Variants in NAAA observed in about 807,000 individuals in gnomAD.
NAAA encodes N-acylethanolamine-hydrolyzing acid amidase.
In NAAA, 39 loss-of-function variants were observed where a neutral mutation model predicts 44.8. The observed-to-expected ratio is 0.87, with a 90% CI of 0.67 to 1.14. NAAA has a LOEUF of 1.14. Ranked by LOEUF, NAAA falls within the 50% of genes most tolerant of loss-of-function variation. NAAA has a pLI of 0.00. For missense variants in NAAA, 460 were observed against 467.8 expected (o/e 0.98, Z 0.15); for synonymous variants, 178 against 191.3 (o/e 0.93, Z 0.58).
At chr4:75,926,245 A>T (rs1372637063) in intron 4 of NAAA, among the ~76,000 whole-genome samples, 1 of 152,188 alleles carries the variant, frequency 6.6e-6, no homozygotes, top group South Asian at 2.1e-4. Context: ...TTTCACAAAA[A>T]TTTTTAAAAT....
chr4:75,917,506 C>CCAGGCTAG (rs2149244462), intron 9 of NAAA: 1 of 155,112 alleles, frequency 6.4e-6, no homozygotes, highest in East Asian at 1.9e-4. Flanking sequence ...GCTCTGTTGC[C>CCAGGCTAG]CAGGCTAGAC....
At chr4:75,919,230 CG>C (rs1311774765) in intron 8 of NAAA, 4 of 168,262 alleles carry the variant, frequency 2.4e-5, no homozygotes, top group Non-Finnish European at 5.2e-5. Flanking sequence ...TTAGTAGAGA[CG>C]GGGTTTCACC....
Position 75,940,965 on chromosome 4 carries a change from G to A in NAAA, c.-16C>T. ...CGGTCCGCATGGCTCGGGCTCCAGCGGCCGCAACTTGGAGACCTGCAGCCG... is the reference window on the plus strand; with the variant it reads ...CGGTCCGCATGGCTCGGGCTCCAGCAGCCGCAACTTGGAGACCTGCAGCCG... On this transcript the variant is annotated 5_prime_UTR_variant, in exon 1 of 11. Transcript: ENST00000286733. The A allele has an allele frequency of 2.7e-6, 4 of 1,463,848 alleles. No individual in the cohort carries two copies. The highest frequency in any genetic ancestry group is 2.7e-6 in the Non-Finnish European group (3 of 1,117,948). 90.7% of individuals were successfully genotyped at this position (1,463,848 alleles called of 1,614,324 possible). A position where few individuals can be genotyped will look rare whatever the true frequency, so the allele number is the denominator to read the frequency against.
At chr4:75,911,268 G>C (rs1176554383), downstream of NAAA, 1 of 509,820 alleles carries the variant, frequency 2.0e-6, no homozygotes, top group African/African-American at 2.0e-5. Context: ...AGGCCATCTG[G>C]ATGTATACGT....
intron 3 of NAAA, among the ~76,000 whole-genome samples, chr4:75,933,990 A>T (rs1167867291): frequency 6.6e-6 from 1 of 151,676 alleles, no homozygotes; most frequent in East Asian, 1.9e-4. Flanking sequence ...AGATCGCGCC[A>T]CTGCACTCCA....
Position 75,938,385 on chromosome 4 carries a change from T to A in NAAA, c.371+1616A>T, listed in dbSNP as rs147298479. Reference sequence around the variant, plus strand: ...CTCCAACAGATGAGGGTAAAAATGATTCGTGATTTTTCATTGAGAAAGCTG... The same window carrying A: ...CTCCAACAGATGAGGGTAAAAATGAATCGTGATTTTTCATTGAGAAAGCTG... On this transcript the variant is annotated intron_variant, in intron 2 of 10. Coordinates refer to ENST00000286733, the MANE Select transcript of NAAA (RefSeq NM_014435.4). 8.2e-4 allele frequency among the ~76,000 whole-genome samples: 125 copies of A among 152,352 alleles called. 3 individuals are homozygous for A. Among genetic ancestry groups the A allele is most frequent in the African/African-American group, 2.7e-3 (113 of 41,578 alleles).
At chr4:75,919,052 C>CTT (rs11463331) in intron 8 of NAAA, among the ~76,000 whole-genome samples, 38,019 of 151,130 alleles carry the variant, frequency 0.25, 5,902 homozygotes, top group East Asian at 0.49. Context: ...GTGATATAGA[C>CTT]TTTTTTTTTG....
At chr4:75,917,847 C>A (rs911929266) in intron 9 of NAAA, 6 of 347,876 alleles carry the variant, frequency 1.7e-5, no homozygotes, top group Non-Finnish European at 3.4e-5. Context: ...ACTAGAGAAA[C>A]CATTGCTCAC....
At chr4:75,925,839 A>ATG in intron 4 of NAAA, 28 bp from the exon 5 acceptor site, 1 of 1,594,122 alleles carries the variant, frequency 6.3e-7, no homozygotes. Flanking sequence ...TATGTTATAT[A>ATG]TGTGTGTGTA....
chr4:75,914,047 TG>T lies in NAAA; in HGVS notation c.*327del. ...GTATGATGGCAGAATCATGAGAAGA[TG>T]GAAATAAGGCCTGAGGATATGGCTT... On this transcript the variant is annotated 3_prime_UTR_variant, in exon 11 of 11. Coordinates refer to ENST00000286733, the MANE Select transcript of NAAA (RefSeq NM_014435.4). The T allele has an allele frequency of 1.0e-6, 1 of 985,426 alleles. No homozygotes were observed. Among genetic ancestry groups the T allele is most frequent in the East Asian group, 1.1e-4 (1 of 8,814 alleles). The allele number at this position is 985,426 out of a possible 1,614,324, so 61.0% of individuals were successfully genotyped here. A position where few individuals can be genotyped will look rare whatever the true frequency, so the allele number is the denominator to read the frequency against.
chr4:75,923,828 G>A (rs1224044755), intron 5 of NAAA, among the ~76,000 whole-genome samples: 3 of 152,136 alleles, frequency 2.0e-5, no homozygotes, highest in East Asian at 1.9e-4. Context: ...GTGAGCCACC[G>A]CGCCCGGCCC....
chr4:75,912,386 C>G (rs1440023911), downstream of NAAA, among the ~76,000 whole-genome samples: 1 of 151,914 alleles, frequency 6.6e-6, no homozygotes, highest in Non-Finnish European at 1.5e-5. Flanking sequence ...AACCCTGTCT[C>G]TACTAAAAAC....
intron 5 of NAAA, among the ~76,000 whole-genome samples, chr4:75,925,227 G>C (rs930437578): frequency 2.0e-5 from 3 of 152,156 alleles, no homozygotes; most frequent in Non-Finnish European, 4.4e-5. Context: ...AGTAGAGACA[G>C]GGTTTCACTG....
intron 4 of NAAA, among the ~76,000 whole-genome samples, chr4:75,927,720 A>G (rs143127151): frequency 1.2e-3 from 180 of 147,456 alleles, no homozygotes; most frequent in African/African-American, 4.2e-3. Context: ...AACATATCAC[A>G]ATTAGATTGT....
At chr4:75,923,571 G>C (rs1726375637) in intron 5 of NAAA, among the ~76,000 whole-genome samples, 2 of 149,208 alleles carry the variant, frequency 1.3e-5, no homozygotes, top group African/African-American at 2.5e-5. Flanking sequence ...ACAGAGTCTT[G>C]CTGTGTCTCC....
At chr4:75,919,188 C>T (rs1353137465) in intron 8 of NAAA, among the ~76,000 whole-genome samples, 1 of 152,028 alleles carries the variant, frequency 6.6e-6, no homozygotes, top group African/African-American at 2.4e-5. Context: ...ATTATAGGCA[C>T]ACACCACCAA....
chr4:75,939,827 C>T, intron 2 of NAAA, 174 bp downstream of exon 2: 1 of 665,888 alleles, frequency 1.5e-6, no homozygotes, highest in Non-Finnish European at 2.5e-6. Flanking sequence ...CCTCTCGAAG[C>T]CTACGATGTG....
At position 75,913,671 on chromosome 4, in the gene NAAA, T is replaced by C. The variant is rs943095582; in HGVS notation, c.*704A>G. ...AGCATAACGCTAAGTTTCTTGGAAA[T>C]TTTTTTATTCTCCTTGCCAACATTT... On this transcript the variant is annotated 3_prime_UTR_variant, in exon 11 of 11. Coordinates refer to ENST00000286733, the MANE Select transcript of NAAA (RefSeq NM_014435.4). 47 of 980,570 alleles carry C rather than the reference T, an allele frequency of 4.8e-5. 1 individual carries two copies. Among genetic ancestry groups the C allele is most frequent in the Middle Eastern group, 1.1e-3 (2 of 1,904 alleles). 60.7% of individuals were successfully genotyped at this position (980,570 alleles called of 1,614,324 possible). A position where few individuals can be genotyped will look rare whatever the true frequency, so the allele number is the denominator to read the frequency against.
At chr4:75,940,348 GGGCGGGGGGAAGGC>G (rs1002138733) in intron 1 of NAAA, 183 bp from the exon 2 acceptor site, 10 of 631,576 alleles carry the variant, frequency 1.6e-5, no homozygotes, top group East Asian at 2.8e-5. Context: ...GGGGGGAAGG[GGGCGGGGGGAAGGC>G]GGCGGGTAAG....
Sources: allele counts gnomAD v4.1 joint callset (sites outside exome capture counted in the v4.1 genomes callset), GRCh38; gene constraint gnomAD v4.1.1; transcripts MANE v1.5; gene names NCBI Gene and HGNC (gene_info 2026-07-23, HGNC 2026-07-21).